The following TMEM87A variants were observed in gnomAD, a reference collection of about 807,000 sequenced individuals.
TMEM87A encodes Golgi-pH regulating cation channel.
Under a neutral mutation model 90.0 loss-of-function variants are expected in TMEM87A, and 50 were observed. That is an observed-to-expected ratio of 0.56 (90% confidence interval 0.44 to 0.70). The LOEUF is 0.70. Among genes scored for constraint, TMEM87A ranks in the 30% least tolerant of loss-of-function variants. TMEM87A has a pLI of 0.00. For synonymous variants in TMEM87A, 226 were observed against 226.7 expected (o/e 1.00, Z 0.03); for missense variants, 577 against 660.5 (o/e 0.87, Z 1.39).
At chr15:42,238,159 A>C (rs2050809502) in intron 8 of TMEM87A, among the ~76,000 whole-genome samples, 1 of 152,154 alleles carries the variant, frequency 6.6e-6, no homozygotes, top group Non-Finnish European at 1.5e-5. Context: ...TTTTCTGGTC[A>C]GGCGTGGTAA....
At chr15:42,239,318 G>A (rs1304302443) in intron 8 of TMEM87A, among the ~76,000 whole-genome samples, 1 of 152,226 alleles carries the variant, frequency 6.6e-6, no homozygotes, top group East Asian at 1.9e-4. Context: ...TGGGATTACA[G>A]GCATGAGCCA....
At chr15:42,252,767 G>C (rs1268648105) in intron 6 of TMEM87A, among the ~76,000 whole-genome samples, 1 of 151,610 alleles carries the variant, frequency 6.6e-6, no homozygotes, top group Admixed American at 6.6e-5. Flanking sequence ...TAAAATCTTT[G>C]GTCTGGTAAG....
intron 11 of TMEM87A, 86 bp downstream of exon 11, chr15:42,233,127 G>T: frequency 8.9e-7 from 1 of 1,125,344 alleles, no homozygotes; most frequent in Non-Finnish European, 1.3e-6. Flanking sequence ...ACAGAAAGAA[G>T]CCCACAGACA....
At chr15:42,230,667 C>T (rs934687998) in intron 12 of TMEM87A, among the ~76,000 whole-genome samples, 2 of 152,112 alleles carry the variant, frequency 1.3e-5, no homozygotes, top group Non-Finnish European at 2.9e-5. Flanking sequence ...TCAAACAATT[C>T]CAAGCCAGCT....
At chr15:42,265,488 G>C (rs544493525) in intron 3 of TMEM87A, among the ~76,000 whole-genome samples, 54 of 150,516 alleles carry the variant, frequency 3.6e-4, no homozygotes, top group African/African-American at 1.3e-3. Flanking sequence ...TCATATGCTT[G>C]TTGGCTGTAT....
intron 6 of TMEM87A, among the ~76,000 whole-genome samples, chr15:42,247,915 T>A (rs1360125085): frequency 1.3e-5 from 2 of 152,220 alleles, no homozygotes; most frequent in Non-Finnish European, 2.9e-5. Context: ...TTCCTATCCA[T>A]GAGCATGGAA....
At chr15:42,219,373 T>C (rs1460033732) in intron 17 of TMEM87A, among the ~76,000 whole-genome samples, 3 of 152,196 alleles carry the variant, frequency 2.0e-5, no homozygotes, top group Admixed American at 2.0e-4. Flanking sequence ...TCGTTAATTG[T>C]TTCCTTTGCT....
At chr15:42,211,866 GT>G in intron 19 of TMEM87A, 117 bp from the exon 20 acceptor site, 2 of 959,802 alleles carry the variant, frequency 2.1e-6, no homozygotes, top group Non-Finnish European at 3.1e-6. Context: ...TTAATTAAAT[GT>G]TTAGAGAAAT....
At position 42,237,488 on chromosome 15, in the gene TMEM87A, A is replaced by T. The variant is rs1566930002; in HGVS notation, c.812T>A (p.Leu271His). The T allele has an allele frequency of 1.2e-6, 2 of 1,614,172 alleles. No homozygotes were observed. The highest frequency in any genetic ancestry group is 1.7e-6 in the Non-Finnish European group (2 of 1,180,040). The change falls in exon 9 of 20, where the codon CTT (leucine) becomes CAT (histidine). Residue 271 changes from leucine (L) to histidine (H), a missense_variant. Coordinates refer to ENST00000389834, the MANE Select transcript of TMEM87A (RefSeq NM_015497.5). ...TTCCGCATAGAAGACAGCTTTCTCA[A>T]GCATTCCCAGGAAGATGACAGCACC... is the stretch of plus-strand genomic sequence containing the variant. ...WIGAVIFLGM[L>H]EKAVFYAEFQ...
intron 6 of TMEM87A, among the ~76,000 whole-genome samples, chr15:42,256,257 C>T (rs142784541): frequency 3.8e-4 from 58 of 152,246 alleles, no homozygotes; most frequent in African/African-American, 1.4e-3. Context: ...TCTCAGGCCT[C>T]ATGCACCCAA....
At position 42,221,334 on chromosome 15, in the gene TMEM87A, A is replaced by G. The variant is rs776795561; in HGVS notation, c.1404-1199T>C. 3.3e-4 allele frequency among the ~76,000 whole-genome samples: 50 copies of G among 152,208 alleles called. 1 individual carries two copies. Among genetic ancestry groups the G allele is most frequent in the Non-Finnish European group, 3.1e-4 (21 of 68,008 alleles). On this transcript the variant is annotated intron_variant, in intron 15 of 19. Coordinates refer to ENST00000389834, the MANE Select transcript of TMEM87A (RefSeq NM_015497.5). ...GACAGAGAGAGAGAGAGACAGAGGA[A>G]AAGGCAACAGCATTCCTACATATTT...
chr15:42,223,928 T>G (rs1351691350), intron 15 of TMEM87A, among the ~76,000 whole-genome samples: 2 of 152,336 alleles, frequency 1.3e-5, no homozygotes, highest in East Asian at 1.9e-4. Flanking sequence ...AGGTTTTTTT[T>G]GGGAACGTAA....
chr15:42,259,837 G>A (rs1367501612), intron 6 of TMEM87A, among the ~76,000 whole-genome samples: 3 of 152,148 alleles, frequency 2.0e-5, no homozygotes, highest in Admixed American at 2.0e-4. Context: ...TGTAAACTGT[G>A]AAAGAAGCCA....
intron 7 of TMEM87A, among the ~76,000 whole-genome samples, chr15:42,240,475 C>T (rs76528553): frequency 0.013 from 1,904 of 152,272 alleles, 25 homozygotes; most frequent in South Asian, 0.032. Context: ...TGCTAGTTAA[C>T]ATTTTTCAAA....
At chr15:42,247,868 A>G (rs1020592954) in intron 6 of TMEM87A, among the ~76,000 whole-genome samples, 5 of 152,116 alleles carry the variant, frequency 3.3e-5, no homozygotes, top group African/African-American at 1.2e-4. Context: ...TCTATAAATT[A>G]CCTTGGGCAG....
At chr15:42,235,142 G>A (rs1317414395) in intron 10 of TMEM87A, among the ~76,000 whole-genome samples, 3 of 152,116 alleles carry the variant, frequency 2.0e-5, no homozygotes, top group African/African-American at 4.8e-5. Flanking sequence ...GGGTTCAAGC[G>A]ATTCTCTTGC....
In TMEM87A at chr15:42,237,422, G is replaced by A. The variant is rs374132576; in HGVS notation, c.868+10C>T. The A allele has an allele frequency of 1.2e-6, 2 of 1,611,922 alleles. No homozygotes were observed. Among genetic ancestry groups the A allele is most frequent in the East Asian group, 4.5e-5 (2 of 44,834 alleles). ...CCACTCGAACTGGCAAAGATTTTCTGGTTACTTACCAGATTCTCCTTTGTA... is the reference window on the plus strand; with the variant it reads ...CCACTCGAACTGGCAAAGATTTTCTAGTTACTTACCAGATTCTCCTTTGTA... On this transcript the variant is annotated intron_variant, in intron 9 of 19. Transcript: ENST00000389834.
At chr15:42,272,716 T>A in intron 1 of TMEM87A, 1 of 333,568 alleles carries the variant, frequency 3.0e-6, no homozygotes. Context: ...TTTTAACCAT[T>A]CCCATGTTAA....
At chr15:42,224,656 A>G (rs1031818476) in intron 15 of TMEM87A, 34 of 152,254 alleles carry the variant, frequency 2.2e-4, no homozygotes, top group Admixed American at 2.2e-3. Flanking sequence ...AACTGGAAAT[A>G]TCCCAAATGC....
Sources: allele counts gnomAD v4.1 joint callset (sites outside exome capture counted in the v4.1 genomes callset), GRCh38; gene constraint gnomAD v4.1.1; transcripts MANE v1.5; gene names NCBI Gene and HGNC (gene_info 2026-07-23, HGNC 2026-07-21).